The following KLHDC1 variants were observed in gnomAD, a reference collection of about 807,000 sequenced individuals.
The protein encoded by KLHDC1 is kelch domain-containing protein 1.
Under a neutral mutation model 68.3 loss-of-function variants are expected in KLHDC1, and 53 were observed. That is an observed-to-expected ratio of 0.78 (90% CI 0.62 to 0.98). The LOEUF is 0.98. Among genes scored for constraint, KLHDC1 ranks in the 50% least tolerant of loss-of-function variants. The probability of loss-of-function intolerance (pLI) is 0.00; values close to 1 mark genes in which losing one functional copy is unlikely to be tolerated. For missense variants in KLHDC1, 470 were observed against 492.3 expected (o/e 0.95, Z 0.43); for synonymous variants, 148 against 159.0 (o/e 0.93, Z 0.52).
In KLHDC1 at chr14:49,723,925, C is replaced by G; in HGVS notation, c.456C>G (p.Asp152Glu). Residue 152 changes from aspartate (D) to glutamate (E), a missense_variant, in exon 5 of 13, where the codon GAC (aspartate) becomes GAG (glutamate). Asp to Glu is a conservative substitution (Grantham distance 45). Transcript: ENST00000359332. ...YGCRRHSELQ[D>E]CFDVHDASWE... ...GTAGGAGACACAGTGAACTCCAAGA[C>G]TGTTTTGATGTTCATGATGCATCTT... is the stretch of plus-strand genomic sequence containing the variant. 6.2e-7 allele frequency: 1 copy of G among 1,605,164 alleles called. No individual in the cohort carries two copies. Among genetic ancestry groups the G allele is most frequent in the East Asian group, 2.2e-5 (1 of 44,748 alleles).
intron 10 of KLHDC1, among the ~76,000 whole-genome samples, chr14:49,735,849 G>A (rs1035863402): frequency 1.3e-5 from 2 of 151,942 alleles, no homozygotes; most frequent in Non-Finnish European, 2.9e-5. Flanking sequence ...CATTGCTACA[G>A]TTTTGGTTTT....
intron 8 of KLHDC1, 130 bp downstream of exon 8, chr14:49,729,678 G>A: frequency 1.7e-6 from 1 of 594,780 alleles, no homozygotes; most frequent in Non-Finnish European, 3.0e-6. Context: ...TCTAAGCAAG[G>A]ACTATATAGA....
intron 11 of KLHDC1, among the ~76,000 whole-genome samples, chr14:49,742,672 TAAAAAAAAAA>T (rs373370360): frequency 0.19 from 13,490 of 72,060 alleles, 901 homozygotes; most frequent in Admixed American, 0.36. Flanking sequence ...GACTCCGTCC[TAAAAAAAAAA>T]AAAAAAAAAG....
At chr14:49,697,255 T>A (rs910123086) in intron 1 of KLHDC1, among the ~76,000 whole-genome samples, 1 of 152,118 alleles carries the variant, frequency 6.6e-6, no homozygotes, top group African/African-American at 2.4e-5. Flanking sequence ...TCAATATTGT[T>A]GTATCTGAGG....
intron 1 of KLHDC1, among the ~76,000 whole-genome samples, chr14:49,704,134 G>A (rs181216744): frequency 2.0e-5 from 3 of 152,092 alleles, no homozygotes; most frequent in African/African-American, 4.8e-5. Context: ...CGTTTTTGCC[G>A]TTCCAGTGAG....
At chr14:49,702,321 A>G (rs958496297) in intron 1 of KLHDC1, among the ~76,000 whole-genome samples, 1 of 152,234 alleles carries the variant, frequency 6.6e-6, no homozygotes, top group Non-Finnish European at 1.5e-5. Flanking sequence ...ATGAGAAAGA[A>G]TTCTGGCAAA....
chr14:49,742,967 G>C (rs1048731167), intron 11 of KLHDC1, among the ~76,000 whole-genome samples: 1 of 151,122 alleles, frequency 6.6e-6, no homozygotes, highest in Non-Finnish European at 1.5e-5. Flanking sequence ...AGCTACTTGC[G>C]GGGCTGAGGT....
chr14:49,705,552 G>A (rs1446274348), intron 1 of KLHDC1, among the ~76,000 whole-genome samples: 1 of 151,406 alleles, frequency 6.6e-6, no homozygotes, highest in Non-Finnish European at 1.5e-5. Flanking sequence ...TGTATTTTTA[G>A]TAGAGACAGG....
intron 1 of KLHDC1, among the ~76,000 whole-genome samples, chr14:49,702,489 G>T (rs1887935760): frequency 6.6e-6 from 1 of 152,078 alleles, no homozygotes; most frequent in African/African-American, 2.4e-5. Flanking sequence ...GATCACATTG[G>T]TCATCTATGT....
At position 49,700,640 on chromosome 14, in the gene KLHDC1, A is replaced by C. The variant is rs185994212; in HGVS notation, c.96+7350A>C. Among the ~76,000 whole-genome samples, 45 of 152,320 alleles carry C rather than the reference A, an allele frequency of 3.0e-4. No individual in the cohort carries two copies. In the East Asian group the frequency reaches 7.3e-3, roughly 25 times the overall value. ...CTACATATTTCTGCTATGGATATGG[A>C]TTTAAAGGGAAGAAGGATCAATTTA... On this transcript the variant is annotated intron_variant, in intron 1 of 12. Transcript: ENST00000359332.
chr14:49,722,808 C>T (rs552021274), intron 4 of KLHDC1, among the ~76,000 whole-genome samples: 8 of 150,890 alleles, frequency 5.3e-5, no homozygotes, highest in Non-Finnish European at 1.0e-4. Flanking sequence ...ATCATATCAG[C>T]GGGTGCAGTG....
intron 10 of KLHDC1, 35 bp from the exon 11 acceptor site, chr14:49,740,063 C>G: frequency 1.7e-6 from 2 of 1,173,426 alleles, no homozygotes; most frequent in South Asian, 1.3e-5. Context: ...TCTCCCATGA[C>G]AGTGTTTCAC....
At chr14:49,725,661 G>A (rs1235447444) in intron 5 of KLHDC1, 25 bp from the exon 6 acceptor site, 1 of 965,042 alleles carries the variant, frequency 1.0e-6, no homozygotes, top group Non-Finnish European at 1.4e-6. Context: ...AAAGCTTTGA[G>A]ATATTTAAAA....
intron 12 of KLHDC1, among the ~76,000 whole-genome samples, chr14:49,746,475 G>C (rs1236201485): frequency 2.0e-5 from 3 of 152,080 alleles, no homozygotes; most frequent in African/African-American, 7.2e-5. Flanking sequence ...GGAGATAATG[G>C]TAGCACAAAA....
intron 12 of KLHDC1, among the ~76,000 whole-genome samples, chr14:49,750,709 T>A (rs542701001): frequency 6.6e-6 from 1 of 152,306 alleles, no homozygotes; most frequent in African/African-American, 2.4e-5. Flanking sequence ...AGTTCTTAAG[T>A]TTCTTGTGGT....
chr14:49,708,326 A>C (rs1353489692), intron 1 of KLHDC1: 1 of 151,542 alleles, frequency 6.6e-6, no homozygotes, highest in Non-Finnish European at 1.5e-5. Context: ...CACCTGCCTC[A>C]GCCTCCCAAA....
intron 1 of KLHDC1, among the ~76,000 whole-genome samples, chr14:49,707,171 A>G (rs1176125139): frequency 6.6e-6 from 1 of 151,916 alleles, no homozygotes; most frequent in African/African-American, 2.4e-5. Context: ...ATGGTGAAAG[A>G]TAGGAATCTA....
At chr14:49,745,989 A>G (rs1889190663) in intron 12 of KLHDC1, among the ~76,000 whole-genome samples, 1 of 152,186 alleles carries the variant, frequency 6.6e-6, no homozygotes, top group African/African-American at 2.4e-5. Context: ...AAATTGGTAA[A>G]GAGACTATTA....
intron 10 of KLHDC1, among the ~76,000 whole-genome samples, chr14:49,735,758 C>G (rs141055726): frequency 1.6e-3 from 244 of 152,258 alleles, no homozygotes; most frequent in African/African-American, 5.6e-3. Context: ...GCCTATTAAT[C>G]CCAGCAATTT....
Sources: allele counts gnomAD v4.1 joint callset (sites outside exome capture counted in the v4.1 genomes callset), GRCh38; gene constraint gnomAD v4.1.1; transcripts MANE v1.5; gene names NCBI Gene and HGNC (gene_info 2026-07-23, HGNC 2026-07-21).